KPNA3: variants seen among roughly 807,000 people sequenced by gnomAD.
KPNA3 encodes importin subunit alpha-4.
Under a neutral mutation model 73.8 loss-of-function variants are expected in KPNA3, and 13 were observed. The observed-to-expected ratio is 0.18, with a 90% CI of 0.11 to 0.28. The LOEUF (loss-of-function observed/expected upper bound fraction) is 0.28, where lower values mean the gene tolerates loss of function less well. KPNA3 is among the 10% of genes least tolerant of loss of function. KPNA3 has a pLI of 1.00. For missense variants in KPNA3, 360 were observed against 618.1 expected, an observed-to-expected ratio of 0.58 and a Z score of 4.43; for synonymous variants, 186 against 206.9, an observed-to-expected ratio of 0.90 and a Z score of 0.87.
rs370722715 is a variant in KPNA3, at chr13:49,709,726, A to C, written c.904-26T>G. On this transcript the variant is annotated intron_variant, in intron 11 of 16. Transcript: ENST00000261667. ...CTAGGGTGGGGATAAAATGTTTTCTATAAATTTATTTGCTTATAAGACTAA... is the reference window on the plus strand; with the variant it reads ...CTAGGGTGGGGATAAAATGTTTTCTCTAAATTTATTTGCTTATAAGACTAA... The C allele has an allele frequency of 5.0e-6, 8 of 1,595,202 alleles. No individual in the cohort carries two copies. The African/African-American group carries it at 1.1e-4, about 22-fold the overall frequency.
chr13:49,726,984 G>T (rs1402344157), intron 6 of KPNA3, among the ~76,000 whole-genome samples: 2 of 151,840 alleles, frequency 1.3e-5, no homozygotes, highest in East Asian at 3.9e-4. Flanking sequence ...CCTGTTAAAA[G>T]GAAATGATAG....
At chr13:49,787,928 C>T (rs974853233) in intron 1 of KPNA3, among the ~76,000 whole-genome samples, 2 of 152,176 alleles carry the variant, frequency 1.3e-5, no homozygotes, top group African/African-American at 4.8e-5. Context: ...GATCCACCTG[C>T]CTCGGCCTCC....
At chr13:49,706,987 G>T (rs1954213996) in intron 12 of KPNA3, among the ~76,000 whole-genome samples, 1 of 152,056 alleles carries the variant, frequency 6.6e-6, no homozygotes, top group Non-Finnish European at 1.5e-5. Context: ...CTGACCTCGT[G>T]ATCCACCCGC....
chr13:49,764,082 A>G (rs1322486281), intron 1 of KPNA3, among the ~76,000 whole-genome samples: 2 of 151,692 alleles, frequency 1.3e-5, no homozygotes, highest in Non-Finnish European at 2.9e-5. Context: ...AAAAAAAAAA[A>G]AAAAAGAGTC....
intron 2 of KPNA3, among the ~76,000 whole-genome samples, chr13:49,739,822 A>G (rs1954556849): frequency 6.6e-6 from 1 of 152,228 alleles, no homozygotes; most frequent in Admixed American, 6.5e-5. Context: ...CACACTGTTT[A>G]GTTCAGCTCT....
intron 1 of KPNA3, among the ~76,000 whole-genome samples, chr13:49,763,205 A>T (rs1195291673): frequency 6.6e-6 from 1 of 152,180 alleles, no homozygotes; most frequent in Non-Finnish European, 1.5e-5. Flanking sequence ...CTGAAAAATG[A>T]AAAGAACCAA....
At chr13:49,735,212 T>C (rs896099159) in intron 2 of KPNA3, among the ~76,000 whole-genome samples, 1 of 152,244 alleles carries the variant, frequency 6.6e-6, no homozygotes, top group East Asian at 1.9e-4. Context: ...AACCTCCACC[T>C]CCCGGGTTCA....
Position 49,701,766 on chromosome 13 carries a change from T to C in KPNA3, c.*34A>G, listed in dbSNP as rs1272632772. ...GGTAGCCATCTGGTGGTGCTTCATA[T>C]TGAATGTGGGAAAGATGCTGCACTC... On this transcript the variant is annotated 3_prime_UTR_variant, in exon 17 of 17. Coordinates refer to ENST00000261667, the MANE Select transcript of KPNA3 (RefSeq NM_002267.4). 5.4e-6 allele frequency: 7 copies of C among 1,298,522 alleles called. No individual in the cohort carries two copies. The African/African-American group carries it at 5.8e-5, about 11-fold the overall frequency. 80.4% of individuals were successfully genotyped at this position (1,298,522 alleles called of 1,614,324 possible). A position where few individuals can be genotyped will look rare whatever the true frequency, so the allele number is the denominator to read the frequency against.
chr13:49,745,792 G>A (rs1954611430), intron 2 of KPNA3, among the ~76,000 whole-genome samples: 1 of 151,994 alleles, frequency 6.6e-6, no homozygotes, highest in Non-Finnish European at 1.5e-5. Context: ...GGCCGGGCAC[G>A]GTGGCTCACG....
intron 1 of KPNA3, among the ~76,000 whole-genome samples, chr13:49,778,637 TTTTG>T (rs1954916290): frequency 6.6e-6 from 1 of 152,220 alleles, no homozygotes. Context: ...AAAAGAGAGC[TTTTG>T]TTTTTTTGTT....
chr13:49,746,223 C>T (rs933884083), intron 2 of KPNA3, among the ~76,000 whole-genome samples: 5 of 152,090 alleles, frequency 3.3e-5, no homozygotes, highest in South Asian at 2.1e-4. Context: ...AACAGAAGGA[C>T]GATTGTTTGA....
At chr13:49,764,066 CA>C (rs11301654) in intron 1 of KPNA3, among the ~76,000 whole-genome samples, 43,111 of 79,942 alleles carry the variant, frequency 0.54, 8,747 homozygotes, top group East Asian at 0.86. Context: ...GACCCTGTCT[CA>C]AAAAAAAAAA....
At chr13:49,765,528 G>C (rs1034908239) in intron 1 of KPNA3, among the ~76,000 whole-genome samples, 5 of 152,056 alleles carry the variant, frequency 3.3e-5, no homozygotes, top group African/African-American at 1.2e-4. Flanking sequence ...TCTGAGAGGA[G>C]GTCTCACTAT....
At chr13:49,742,216 T>C (rs12866447) in intron 2 of KPNA3, among the ~76,000 whole-genome samples, 36,391 of 152,160 alleles carry the variant, frequency 0.24, 5,202 homozygotes, top group Non-Finnish European at 0.32. Flanking sequence ...TGTGGATTTA[T>C]TTCTGGTGAA....
chr13:49,715,219 C>T (rs944460724), intron 10 of KPNA3, among the ~76,000 whole-genome samples: 11 of 151,762 alleles, frequency 7.2e-5, no homozygotes, highest in Admixed American at 6.6e-4. Flanking sequence ...CATGGCAAAA[C>T]ATCATAGTCA....
chr13:49,730,625 T>A (rs1486986429), intron 6 of KPNA3, among the ~76,000 whole-genome samples: 3 of 150,490 alleles, frequency 2.0e-5, no homozygotes, highest in African/African-American at 7.3e-5. Flanking sequence ...ATTTTATTTT[T>A]ATTATTATTA....
At chr13:49,730,954 T>C (rs1240877060) in intron 6 of KPNA3, among the ~76,000 whole-genome samples, 2 of 151,264 alleles carry the variant, frequency 1.3e-5, no homozygotes, top group East Asian at 3.9e-4. Context: ...TTTTTTTTAA[T>C]ATTTTTTAAT....
At chr13:49,765,671 C>T (rs935496067) in intron 1 of KPNA3, among the ~76,000 whole-genome samples, 3 of 152,100 alleles carry the variant, frequency 2.0e-5, no homozygotes, top group Non-Finnish European at 4.4e-5. Flanking sequence ...ACCTTTTATC[C>T]TTTAGCAGAC....
chr13:49,783,645 A>C (rs1269742071), intron 1 of KPNA3, among the ~76,000 whole-genome samples: 1 of 152,062 alleles, frequency 6.6e-6, no homozygotes, highest in Non-Finnish European at 1.5e-5. Flanking sequence ...AATCCTACTG[A>C]CTCTGAAGTT....
Sources: allele counts gnomAD v4.1 joint callset (sites outside exome capture counted in the v4.1 genomes callset), GRCh38; gene constraint gnomAD v4.1.1; transcripts MANE v1.5; gene names NCBI Gene and HGNC (gene_info 2026-07-23, HGNC 2026-07-21).